Variants in TMEM156 observed in about 807,000 individuals in gnomAD.
The protein encoded by TMEM156 is transmembrane protein 156.
TMEM156 carries 28 observed loss-of-function variants against 30.5 expected under a neutral mutation model. The ratio of observed to expected loss-of-function variants is 0.92; its 90% CI spans 0.68 to 1.26. The LOEUF is 1.26. TMEM156 is among the 50% of genes most tolerant of loss of function. The probability of loss-of-function intolerance (pLI) is 0.00; values close to 1 mark genes in which losing one functional copy is unlikely to be tolerated. For missense variants in TMEM156, 351 were observed against 340.6 expected, an observed-to-expected ratio of 1.03 and a Z score of -0.24; for synonymous variants, 137 against 119.9, an observed-to-expected ratio of 1.14 and a Z score of -0.93.
intron 5 of TMEM156, among the ~76,000 whole-genome samples, chr4:38,985,180 T>G (rs1478586376): frequency 1.3e-5 from 2 of 152,244 alleles, no homozygotes; most frequent in African/African-American, 4.8e-5. Flanking sequence ...CATTTTTGCC[T>G]TTTAAAAATT....
chr4:38,997,613 T>A (rs955237080), intron 2 of TMEM156, among the ~76,000 whole-genome samples: 1 of 152,236 alleles, frequency 6.6e-6, no homozygotes, highest in African/African-American at 2.4e-5. Flanking sequence ...AATTTGATGT[T>A]TGGGCTTGAG....
At position 38,971,262 on chromosome 4, in the gene TMEM156, T is replaced by C. The variant is rs954103819; in HGVS notation, c.824-125A>G. On this transcript the variant is annotated intron_variant, in intron 5 of 6. Coordinates refer to ENST00000381938, the MANE Select transcript of TMEM156 (RefSeq NM_024943.3). ...ACCTCTAGAAAGGATTTTGGGACTT[T>C]CTACCCTCACTAATTTTCCTGCCTA... 5 of 811,146 alleles carry C rather than the reference T, an allele frequency of 6.2e-6. No homozygotes were observed. In the African/African-American group the frequency reaches 8.7e-5, roughly 14 times the overall value. 50.2% of individuals were successfully genotyped at this position (811,146 alleles called of 1,614,324 possible).
chr4:39,002,989 T>C (rs1461294298), intron 1 of TMEM156, among the ~76,000 whole-genome samples: 1 of 151,972 alleles, frequency 6.6e-6, no homozygotes, highest in African/African-American at 2.4e-5. Context: ...CATATGTAAC[T>C]AACCTGCACA....
At chr4:39,016,079 T>C (rs1434545845) in intron 1 of TMEM156, among the ~76,000 whole-genome samples, 2 of 152,228 alleles carry the variant, frequency 1.3e-5, no homozygotes, top group South Asian at 2.1e-4. Context: ...AATAGTCCTT[T>C]AAAATAACCA....
chr4:38,977,633 G>A (rs565383576), intron 5 of TMEM156, among the ~76,000 whole-genome samples: 1 of 152,292 alleles, frequency 6.6e-6, no homozygotes, highest in East Asian at 1.9e-4. Context: ...ACTAGTTAAG[G>A]CAGTAGAAAC....
intron 3 of TMEM156, among the ~76,000 whole-genome samples, chr4:38,990,830 G>GTTTTTTTTTTTTTTTTTTTTTTTTTTT (rs71304784): frequency 7.4e-5 from 6 of 81,228 alleles, no homozygotes; most frequent in South Asian, 4.4e-4. Context: ...TTGTTTTCTG[G>GTTTTTTTTTTTTTTTTTTTTTTTTTTT]TTTTTTTTTT....
At chr4:39,008,377 T>C (rs780634844) in intron 1 of TMEM156, among the ~76,000 whole-genome samples, 10 of 152,186 alleles carry the variant, frequency 6.6e-5, no homozygotes, top group Admixed American at 1.3e-4. Flanking sequence ...GATGATTATA[T>C]AGTATTTCTT....
At chr4:38,976,322 A>G (rs969427315) in intron 5 of TMEM156, among the ~76,000 whole-genome samples, 1 of 148,636 alleles carries the variant, frequency 6.7e-6, no homozygotes, top group Non-Finnish European at 1.5e-5. Context: ...GCAAACTGCC[A>G]TGCTGTGAAA....
intron 1 of TMEM156, among the ~76,000 whole-genome samples, chr4:39,013,440 C>T (rs1714266364): frequency 6.6e-6 from 1 of 150,450 alleles, no homozygotes; most frequent in African/African-American, 2.4e-5. Flanking sequence ...CTTGCTCTGT[C>T]GCTAGGCTGG....
At chr4:38,993,550 G>A (rs1712696190) in intron 3 of TMEM156, among the ~76,000 whole-genome samples, 188 bp downstream of exon 3, 1 of 152,082 alleles carries the variant, frequency 6.6e-6, no homozygotes, top group Non-Finnish European at 1.5e-5. Flanking sequence ...GTTACAGGTA[G>A]GCCCCATAAA....
At chr4:39,005,543 C>A (rs547518312) in intron 1 of TMEM156, among the ~76,000 whole-genome samples, 1 of 150,748 alleles carries the variant, frequency 6.6e-6, no homozygotes, top group Non-Finnish European at 1.5e-5. Context: ...ATTACCCAGT[C>A]TCGGATAGTA....
chr4:38,977,398 A>G (rs1368304669), intron 5 of TMEM156, among the ~76,000 whole-genome samples: 2 of 152,242 alleles, frequency 1.3e-5, no homozygotes, highest in Non-Finnish European at 2.9e-5. Context: ...AATGATGGCT[A>G]GTCTAAAGTA....
At chr4:38,980,540 G>A (rs1723127643) in intron 5 of TMEM156, among the ~76,000 whole-genome samples, 1 of 152,136 alleles carries the variant, frequency 6.6e-6, no homozygotes, top group Non-Finnish European at 1.5e-5. Flanking sequence ...TAGTGTCCTT[G>A]ACCTCAAAGA....
intron 1 of TMEM156, among the ~76,000 whole-genome samples, chr4:39,023,093 G>C (rs1050739661): frequency 6.6e-6 from 1 of 152,160 alleles, no homozygotes; most frequent in Non-Finnish European, 1.5e-5. Flanking sequence ...TAATGGATGG[G>C]ATTAGTGTCC....
At chr4:38,980,982 T>C in intron 5 of TMEM156, 1 of 983,978 alleles carries the variant, frequency 1.0e-6, no homozygotes, top group Non-Finnish European at 1.2e-6. Context: ...TCTTCACATT[T>C]GTGAATTTCT....
chr4:39,027,827 G>A (rs1285892673), intron 1 of TMEM156, among the ~76,000 whole-genome samples: 3 of 148,902 alleles, frequency 2.0e-5, no homozygotes, highest in Non-Finnish European at 4.4e-5. Flanking sequence ...TGTAATCTCG[G>A]CTCACTGCAA....
chr4:38,986,273 A>G, intron 5 of TMEM156, 63 bp downstream of exon 5: 1 of 1,120,576 alleles, frequency 8.9e-7, no homozygotes, highest in South Asian at 1.2e-5. Context: ...TTTACTGTGT[A>G]GTGAAACCAT....
At chr4:38,989,803 A>G (rs1370754816) in intron 3 of TMEM156, among the ~76,000 whole-genome samples, 1 of 151,714 alleles carries the variant, frequency 6.6e-6, no homozygotes, top group Non-Finnish European at 1.5e-5. Context: ...ATTTTATTTT[A>G]TTTTATTTTA....
At chr4:38,976,552 G>A (rs972487035) in intron 5 of TMEM156, among the ~76,000 whole-genome samples, 7 of 152,114 alleles carry the variant, frequency 4.6e-5, no homozygotes, top group African/African-American at 1.4e-4. Flanking sequence ...CAGAAGATCC[G>A]GTTAAGCCAC....
Sources: allele counts gnomAD v4.1 joint callset (sites outside exome capture counted in the v4.1 genomes callset), GRCh38; gene constraint gnomAD v4.1.1; transcripts MANE v1.5; gene names NCBI Gene and HGNC (gene_info 2026-07-23, HGNC 2026-07-21).